The following NUDT14 variants were observed in gnomAD, a reference collection of about 807,000 sequenced individuals.
NUDT14 encodes the protein uridine diphosphate glucose pyrophosphatase NUDT14.
Under a neutral mutation model 17.5 loss-of-function variants are expected in NUDT14, and 22 were observed. The ratio of observed to expected loss-of-function variants is 1.26; its 90% CI spans 0.90 to 1.80. The LOEUF (loss-of-function observed/expected upper bound fraction) is 1.80, where lower values mean the gene tolerates loss of function less well. Among genes scored for constraint, NUDT14 ranks in the 40% most tolerant of loss-of-function variants. NUDT14 has a pLI of 0.00. For missense variants in NUDT14, 296 were observed against 295.6 expected, an observed-to-expected ratio of 1.00 and a Z score of -0.01; for synonymous variants, 129 against 125.8, an observed-to-expected ratio of 1.03 and a Z score of -0.17.
rs1024236644 is a variant in NUDT14 at position 105,173,452 on chromosome 14, C to T, written c.429-191G>A. 4.1e-5 allele frequency: 20 copies of T among 489,116 alleles called. No homozygotes were observed. Among genetic ancestry groups the T allele is most frequent in the Non-Finnish European group, 6.4e-5 (19 of 297,564 alleles). The allele number at this position is 489,116 out of a possible 1,614,324, so 30.3% of individuals were successfully genotyped here. A position where few individuals can be genotyped will look rare whatever the true frequency, so the allele number is the denominator to read the frequency against. ...GCCCGTGGCCCCTCCCGCAGCAGGGCATCCCTTCCCTGATCACGTTGTACT... is the reference window on the plus strand; with the variant it reads ...GCCCGTGGCCCCTCCCGCAGCAGGGTATCCCTTCCCTGATCACGTTGTACT... On this transcript the variant is annotated intron_variant, in intron 4 of 4. Transcript: ENST00000392568. This position sits in a 1 kb window ranked among gnomAD's most constrained non-coding sequence, Gnocchi z 4.7.
At chr14:105,177,477 C>T (rs1042111281) in intron 2 of NUDT14, among the ~76,000 whole-genome samples, 3 of 152,208 alleles carry the variant, frequency 2.0e-5, no homozygotes, top group Non-Finnish European at 4.4e-5. Context: ...ATCATGGTCC[C>T]GGTGGCCTGA....
Position 105,181,275 on chromosome 14 carries a change from C to A in NUDT14, c.-66G>T. ...GCCGACACGGGGCGGCGCCCTGTCCCGACAGGAGCCTTCGGGCGGGCGCGT... is the reference window on the plus strand; with the variant it reads ...GCCGACACGGGGCGGCGCCCTGTCCAGACAGGAGCCTTCGGGCGGGCGCGT... On this transcript the variant is annotated 5_prime_UTR_variant, in exon 1 of 5. Coordinates refer to ENST00000392568, the MANE Select transcript of NUDT14 (RefSeq NM_177533.5). This position sits in a 1 kb window ranked among gnomAD's most constrained non-coding sequence, Gnocchi z 5.0. 4 of 627,618 alleles carry A rather than the reference C, an allele frequency of 6.4e-6. No individual in the cohort carries two copies. Among genetic ancestry groups the A allele is most frequent in the Non-Finnish European group, 4.2e-6 (2 of 481,856 alleles). The allele number at this position is 627,618 out of a possible 1,614,324, so 38.9% of individuals were successfully genotyped here. A position where few individuals can be genotyped will look rare whatever the true frequency, so the allele number is the denominator to read the frequency against.
In NUDT14 at chr14:105,176,525, C is replaced by T. The variant is rs1409064919; in HGVS notation, c.428+9G>A. 6.9e-6 allele frequency: 11 copies of T among 1,604,528 alleles called. No homozygotes were observed. The highest frequency in any genetic ancestry group is 9.4e-6 in the Non-Finnish European group (11 of 1,172,468). ...CACACCACAGGCCTGAGGGCCTGGT[C>T]CCACTCACCAGTATGTGGCGACCCG... On this transcript the variant is annotated intron_variant, in intron 4 of 4. Transcript: ENST00000392568.
intron 4 of NUDT14, chr14:105,175,587 G>C (rs1889196304): frequency 3.1e-6 from 1 of 321,968 alleles, no homozygotes; most frequent in African/African-American, 2.2e-5. Flanking sequence ...TTTTAGCAGA[G>C]GCGGGGTTTC....
At chr14:105,176,391 G>A (rs1203777439) in intron 4 of NUDT14, 143 bp downstream of exon 4, 2 of 724,474 alleles carry the variant, frequency 2.8e-6, no homozygotes, top group Non-Finnish European at 2.4e-6. Flanking sequence ...AGGAGCTGAG[G>A]CGCATTCGGT....
At position 105,173,405 on chromosome 14, in the gene NUDT14, C is replaced by T. The variant is rs1439964931; in HGVS notation, c.429-144G>A. 4.2e-6 allele frequency: 4 copies of T among 942,136 alleles called. No homozygotes were observed. Among genetic ancestry groups the T allele is most frequent in the Admixed American group, 7.8e-5 (2 of 25,780 alleles). The allele number at this position is 942,136 out of a possible 1,614,324, so 58.4% of individuals were successfully genotyped here. On this transcript the variant is annotated intron_variant, in intron 4 of 4. Coordinates refer to ENST00000392568, the MANE Select transcript of NUDT14 (RefSeq NM_177533.5). The surrounding 1 kb of genome is among the most constrained non-coding windows in gnomAD (Gnocchi z 4.7). ...GGACTCTGGGATGCCCTCTCCCACC[C>T]GGATTCCCACCTGGTGTGCACGCCC...
chr14:105,181,061 T>C lies in NUDT14; in HGVS notation c.81+68A>G, dbSNP rs1232925614. The C allele has an allele frequency of 2.4e-6, 1 of 423,568 alleles. No homozygotes were observed. Among genetic ancestry groups the C allele is most frequent in the Non-Finnish European group, 3.2e-6 (1 of 313,316 alleles). 26.2% of individuals were successfully genotyped at this position (423,568 alleles called of 1,614,324 possible). ...GCGGGGCCGGCAGCGCGGAAGATGG[T>C]GGGCGGGGCGCGGGTCGTGGGCCGG... On this transcript the variant is annotated intron_variant, in intron 1 of 4. Coordinates refer to ENST00000392568, the MANE Select transcript of NUDT14 (RefSeq NM_177533.5). This position sits in a 1 kb window ranked among gnomAD's most constrained non-coding sequence, Gnocchi z 5.0.
chr14:105,174,781 A>C (rs1412308960), intron 4 of NUDT14, among the ~76,000 whole-genome samples: 8 of 151,914 alleles, frequency 5.3e-5, no homozygotes, highest in Non-Finnish European at 1.2e-4. Context: ...CCCCCACCCC[A>C]GGGCACGTTC....
In NUDT14 at chr14:105,177,210, A is replaced by G. The variant is rs1033930878; in HGVS notation, c.126-183T>C. ...CGGGACCAGAGCTTTCCAGGGTCAC[A>G]GTCTGGCCAGGACCCAGACCTGCTG... is the stretch of plus-strand genomic sequence containing the variant. On this transcript the variant is annotated intron_variant, in intron 2 of 4. Transcript: ENST00000392568. 4.5e-6 allele frequency: 3 copies of G among 661,056 alleles called. No homozygotes were observed. The South Asian group carries it at 5.0e-5, about 11-fold the overall frequency. The allele number at this position is 661,056 out of a possible 1,614,324, so 40.9% of individuals were successfully genotyped here. A position where few individuals can be genotyped will look rare whatever the true frequency, so the allele number is the denominator to read the frequency against.
chr14:105,180,447 G>A (rs1306631970), intron 1 of NUDT14, among the ~76,000 whole-genome samples: 4 of 152,158 alleles, frequency 2.6e-5, no homozygotes, highest in East Asian at 1.9e-4. Flanking sequence ...CAGCCTGGGC[G>A]ACAGCAAGAC....
chr14:105,174,087 T>G (rs1595198131), intron 4 of NUDT14, among the ~76,000 whole-genome samples: 3 of 150,550 alleles, frequency 2.0e-5, no homozygotes, highest in African/African-American at 7.4e-5. Context: ...CAGAGTGGGG[T>G]GGGGTGGCAG....
chr14:105,179,265 G>A lies in NUDT14; in HGVS notation c.82-1530C>T, dbSNP rs587697518. Among the ~76,000 whole-genome samples, 686 of 152,286 alleles carry A rather than the reference G, an allele frequency of 4.5e-3. 7 individuals are homozygous for A. The highest frequency in any genetic ancestry group is 0.014 in the African/African-American group (582 of 41,562). ...GGTGCAAAGAAGACCCCATCGCCTC[G>A]GAGCCACGGGGGTCCCCTGCCTTTG... On this transcript the variant is annotated intron_variant, in intron 1 of 4. Transcript: ENST00000392568.
At position 105,173,229 on chromosome 14, in the gene NUDT14, G is replaced by C; in HGVS notation, c.461C>G (p.Thr154Ser). 6 of 1,599,870 alleles carry C rather than the reference G, an allele frequency of 3.8e-6. No homozygotes were observed. The highest frequency in any genetic ancestry group is 5.1e-6 in the Non-Finnish European group (6 of 1,174,276). ...SGVGLTGSRQ[T>S]MFYTEVTDAQ... Reference sequence around the variant, plus strand: ...ATCTGTCACCTCTGTGTAGAACATGGTCTGTCTGGAGCCAGTCAGTCCCAC... The same window carrying C: ...ATCTGTCACCTCTGTGTAGAACATGCTCTGTCTGGAGCCAGTCAGTCCCAC... Residue 154 changes from threonine (T) to serine (S), a missense_variant, in exon 5 of 5, where the codon ACC (threonine) becomes AGC (serine). Transcript: ENST00000392568. The surrounding 1 kb of genome is among the most constrained non-coding windows in gnomAD (Gnocchi z 4.7).
chr14:105,173,405 C>A lies in NUDT14; in HGVS notation c.429-144G>T. ...GGACTCTGGGATGCCCTCTCCCACC[C>A]GGATTCCCACCTGGTGTGCACGCCC... is the stretch of plus-strand genomic sequence containing the variant. On this transcript the variant is annotated intron_variant, in intron 4 of 4. Coordinates refer to ENST00000392568, the MANE Select transcript of NUDT14 (RefSeq NM_177533.5). The surrounding 1 kb of genome is among the most constrained non-coding windows in gnomAD (Gnocchi z 4.7). The A allele has an allele frequency of 3.2e-6, 3 of 942,254 alleles. No individual in the cohort carries two copies. The highest frequency in any genetic ancestry group is 2.9e-6 in the Non-Finnish European group (2 of 698,534). The allele number at this position is 942,254 out of a possible 1,614,324, so 58.4% of individuals were successfully genotyped here.
At chr14:105,178,278 C>T (rs892949619) in intron 1 of NUDT14, among the ~76,000 whole-genome samples, 6 of 152,024 alleles carry the variant, frequency 3.9e-5, no homozygotes, top group African/African-American at 1.2e-4. Context: ...GGAAGGGTGG[C>T]GCCCCAGCCA....
chr14:105,175,888 G>T, intron 4 of NUDT14: 1 of 1,177,960 alleles, frequency 8.5e-7, no homozygotes, highest in Non-Finnish European at 1.1e-6. Flanking sequence ...CTCTGGAGGA[G>T]GCTGTGGAGG....
At chr14:105,176,486 C>G (rs769347994) in intron 4 of NUDT14, 48 bp downstream of exon 4, 2 of 1,457,636 alleles carry the variant, frequency 1.4e-6, no homozygotes, top group African/African-American at 2.8e-5. Flanking sequence ...CTCACTCTCT[C>G]CCATCTCCTG....
rs765944207 is a variant in NUDT14 at position 105,173,191 on chromosome 14, C to T, written c.499G>A (p.Gly167Ser). The T allele has an allele frequency of 2.2e-5, 35 of 1,610,396 alleles. No individual in the cohort carries two copies. The highest frequency in any genetic ancestry group is 2.7e-5 in the African/African-American group (2 of 74,838). ...YTEVTDAQRS[G>S]PGGGLVEEGE... is the part of the protein sequence containing the mutation. ...TCCTCCACCAGGCCCCCACCTGGAC[C>T]GCTACGCTGGGCATCTGTCACCTCT... The change falls in exon 5 of 5, where the codon GGT (glycine) becomes AGT (serine). Residue 167 changes from glycine to serine, a missense_variant. Physicochemically the swap from Gly to Ser is moderately conservative, Grantham distance 56. Coordinates refer to ENST00000392568, the MANE Select transcript of NUDT14 (RefSeq NM_177533.5). The surrounding 1 kb of genome is among the most constrained non-coding windows in gnomAD (Gnocchi z 4.7).
intron 3 of NUDT14, 60 bp from the exon 4 acceptor site, chr14:105,176,831 C>A: frequency 6.3e-7 from 1 of 1,575,174 alleles, no homozygotes; most frequent in African/African-American, 1.3e-5. Flanking sequence ...CCAGGTCACC[C>A]ACACAGCCAA....
Sources: gnomAD v4.1 joint callset for allele counts (sites outside exome capture counted in the v4.1 genomes callset) on GRCh38, gnomAD v4.1.1 for gene constraint, Gnocchi (gnomAD v3.1) non-coding constraint, MANE v1.5 for transcripts, NCBI Gene and HGNC (gene_info 2026-07-23, HGNC 2026-07-21) for gene names.